HMGB1: variants seen among roughly 807,000 people sequenced by gnomAD.
HMGB1 encodes the protein high mobility group protein B1.
For synonymous variants in HMGB1, 81 were observed against 84.0 expected (o/e 0.96, Z 0.19); for missense variants, 79 against 253.5 (o/e 0.31, Z 4.67).
In HMGB1 at chr13:30,457,869, G is replaced by C. The variant is rs1459796276; in HGVS notation, c.*3488C>G. 7.8e-6 allele frequency: 1 copy of C among 128,296 alleles called. No homozygotes were observed. Among genetic ancestry groups the C allele is most frequent in the Non-Finnish European group, 1.6e-5 (1 of 60,668 alleles). The allele number at this position is 128,296 out of a possible 1,614,324, so 7.9% of individuals were successfully genotyped here. The stretch of plus-strand genomic sequence containing the variant: ...GTTATTAGCACTGCCTTGGTATTAA[G>C]AGGACAAGAAAATGAACCACCATCT... On this transcript the variant is annotated 3_prime_UTR_variant, in exon 5 of 5. Transcript: ENST00000341423.
At chr13:30,555,921 C>G (rs1447220580) in intron 1 of HMGB1, among the ~76,000 whole-genome samples, 2 of 152,098 alleles carry the variant, frequency 1.3e-5, no homozygotes, top group Non-Finnish European at 2.9e-5. Context: ...ATGGGTCTTA[C>G]AAGATACTCC....
intron 1 of HMGB1, among the ~76,000 whole-genome samples, chr13:30,474,833 A>ACTGTCT (rs1887032727): frequency 3.4e-5 from 3 of 87,442 alleles, no homozygotes; most frequent in South Asian, 3.4e-4. Flanking sequence ...CAACCTTGGC[A>ACTGTCT]CTCTCTCTCT....
chr13:30,469,875 C>T (rs879764366), upstream of HMGB1, among the ~76,000 whole-genome samples: 29 of 152,220 alleles, frequency 1.9e-4, no homozygotes, highest in South Asian at 8.3e-4. Flanking sequence ...GTGATCCGCC[C>T]GCCTTGGCCT....
At chr13:30,471,582 T>C (rs1886934253) in intron 1 of HMGB1, among the ~76,000 whole-genome samples, 1 of 142,784 alleles carries the variant, frequency 7.0e-6, no homozygotes, top group East Asian at 2.4e-4. Flanking sequence ...CTCGAACTCC[T>C]AACATCAGGT....
intron 1 of HMGB1, among the ~76,000 whole-genome samples, chr13:30,596,274 A>G (rs1211336256): frequency 6.6e-6 from 1 of 152,190 alleles, no homozygotes; most frequent in African/African-American, 2.4e-5. Context: ...ATTGTTTGGT[A>G]TTATTTTTAT....
intron 1 of HMGB1, among the ~76,000 whole-genome samples, chr13:30,547,057 C>T (rs760804843): frequency 1.3e-5 from 2 of 152,230 alleles, no homozygotes; most frequent in Non-Finnish European, 2.9e-5. Context: ...ATGTGTGTGG[C>T]CCATGCCAAG....
chr13:30,564,278 C>CA (rs60208654), intron 1 of HMGB1, among the ~76,000 whole-genome samples: 1,703 of 105,618 alleles, frequency 0.016, 15 homozygotes, highest in East Asian at 0.025. Flanking sequence ...ACTAAAAATG[C>CA]AAAAAAAAAA....
At chr13:30,509,852 A>G (rs539446400) in intron 1 of HMGB1, among the ~76,000 whole-genome samples, 3 of 152,188 alleles carry the variant, frequency 2.0e-5, no homozygotes, top group Non-Finnish European at 4.4e-5. Flanking sequence ...CAAGAAACTG[A>G]AGCTCTGAAT....
intron 1 of HMGB1, among the ~76,000 whole-genome samples, chr13:30,494,003 T>TAA (rs560306711): frequency 6.8e-6 from 1 of 146,876 alleles, no homozygotes; most frequent in Non-Finnish European, 1.5e-5. Flanking sequence ...TAGCCTTTAT[T>TAA]AAAAAAAAAA....
chr13:30,465,142 C>A, intron 1 of HMGB1: 2 of 970,488 alleles, frequency 2.1e-6, no homozygotes, highest in Non-Finnish European at 2.4e-6. Context: ...GCGCCGGGCC[C>A]GAGTCAGCCA....
chr13:30,517,479 A>G (rs953173604), intron 1 of HMGB1, among the ~76,000 whole-genome samples: 7 of 152,340 alleles, frequency 4.6e-5, no homozygotes, highest in Non-Finnish European at 7.4e-5. Context: ...GTCTCAGCTC[A>G]CTGCAACCTC....
At chr13:30,501,812 T>TA (rs1887740688) in intron 1 of HMGB1, among the ~76,000 whole-genome samples, 1 of 152,102 alleles carries the variant, frequency 6.6e-6, no homozygotes, top group South Asian at 2.1e-4. Context: ...CACTATTGTT[T>TA]AAAAAAATCA....
At chr13:30,579,237 T>C (rs1162870402) in intron 1 of HMGB1, among the ~76,000 whole-genome samples, 3 of 152,210 alleles carry the variant, frequency 2.0e-5, no homozygotes, top group Non-Finnish European at 4.4e-5. Context: ...AAATATATAC[T>C]GAAGACAGAA....
At chr13:30,484,522 G>A (rs1430349863) in intron 1 of HMGB1, among the ~76,000 whole-genome samples, 4 of 152,186 alleles carry the variant, frequency 2.6e-5, no homozygotes, top group African/African-American at 9.7e-5. Flanking sequence ...CTGTCTCAGG[G>A]ACTGGGATGG....
chr13:30,548,341 A>G (rs983615454), intron 1 of HMGB1, among the ~76,000 whole-genome samples: 2 of 152,090 alleles, frequency 1.3e-5, no homozygotes, highest in Non-Finnish European at 2.9e-5. Flanking sequence ...TTCCACCACG[A>G]TTGTAAGTTT....
chr13:30,569,907 A>G (rs1870355503), intron 1 of HMGB1, among the ~76,000 whole-genome samples: 1 of 152,184 alleles, frequency 6.6e-6, no homozygotes, highest in Non-Finnish European at 1.5e-5. Context: ...TTTTATCTCT[A>G]GGTCTGGTGA....
chr13:30,517,832 C>T (rs1404409104), intron 1 of HMGB1, among the ~76,000 whole-genome samples: 1 of 152,132 alleles, frequency 6.6e-6, no homozygotes, highest in Non-Finnish European at 1.5e-5. Flanking sequence ...AACAAAAAAA[C>T]CCAGAATGCT....
chr13:30,576,461 T>C (rs1566029970), intron 1 of HMGB1, among the ~76,000 whole-genome samples: 1 of 152,136 alleles, frequency 6.6e-6, no homozygotes, highest in Non-Finnish European at 1.5e-5. Flanking sequence ...GGCCGCAGAA[T>C]GTGTCAAACA....
intron 1 of HMGB1, among the ~76,000 whole-genome samples, chr13:30,564,825 C>G (rs1870121871): frequency 6.6e-6 from 1 of 152,230 alleles, no homozygotes; most frequent in African/African-American, 2.4e-5. Flanking sequence ...AGTTGAATGT[C>G]TAAGAATCGG....
Sources: allele counts gnomAD v4.1 joint callset (sites outside exome capture counted in the v4.1 genomes callset), GRCh38; gene constraint gnomAD v4.1.1; transcripts MANE v1.5; gene names NCBI Gene and HGNC (gene_info 2026-07-23, HGNC 2026-07-21).